FUT8: variants seen among roughly 807,000 people sequenced by gnomAD.
The protein encoded by FUT8 is fucosyltransferase 8.
Under a neutral mutation model 71.3 loss-of-function variants are expected in FUT8, and 29 were observed. That is an observed-to-expected ratio of 0.41 (90% CI 0.30 to 0.55). The LOEUF (loss-of-function observed/expected upper bound fraction) is 0.55, where lower values mean the gene tolerates loss of function less well. Ranked by LOEUF, FUT8 falls within the 20% of genes least tolerant of loss-of-function variation. The pLI, the probability that FUT8 is intolerant of heterozygous loss-of-function variation, is 0.34. For missense variants in FUT8, 544 were observed against 702.1 expected (o/e 0.77, Z 2.55); for synonymous variants, 254 against 239.3 (o/e 1.06, Z -0.57).
At chr14:65,395,639 G>A in the FUT8 span, among the ~76,000 whole-genome samples, 1 of 152,228 alleles carries the variant, frequency 6.6e-6, no homozygotes, top group Non-Finnish European at 1.5e-5. Flanking sequence ...CACAGCAAGG[G>A]GTCCCTGGGT....
At chr14:65,447,585 ATACATTTTT>A (rs1228031939) in intron 1 of FUT8, among the ~76,000 whole-genome samples, 1 of 151,992 alleles carries the variant, frequency 6.6e-6, no homozygotes, top group Admixed American at 6.5e-5. Context: ...TTTCAAATAC[ATACATTTTT>A]TTCAAATGGT....
intron 2 of FUT8, among the ~76,000 whole-genome samples, chr14:65,543,102 C>T (rs1375821266): frequency 1.3e-5 from 2 of 152,082 alleles, no homozygotes; most frequent in Non-Finnish European, 2.9e-5. Context: ...ATTTTTTTTG[C>T]AATCCATTTA....
chr14:65,670,246 A>G (rs1293290231), intron 7 of FUT8, among the ~76,000 whole-genome samples: 1 of 152,150 alleles, frequency 6.6e-6, no homozygotes, highest in Non-Finnish European at 1.5e-5. Context: ...TTAAGATCTA[A>G]AGTTGGGCTA....
At chr14:65,508,702 A>ATGT (rs984425183) in intron 2 of FUT8, among the ~76,000 whole-genome samples, 1 of 151,400 alleles carries the variant, frequency 6.6e-6, no homozygotes, top group African/African-American at 2.4e-5. Flanking sequence ...GAGTTTCACC[A>ATGT]TGTTGGCCAG....
chr14:65,556,265 A>G (rs1885581002), intron 2 of FUT8, among the ~76,000 whole-genome samples: 1 of 152,188 alleles, frequency 6.6e-6, no homozygotes, highest in Admixed American at 6.5e-5. Context: ...GTCTTTAAAA[A>G]GCCTGCATTC....
Position 65,483,622 on chromosome 14 carries a change from A to G in FUT8, c.-228+27904A>G, listed in dbSNP as rs1367220860. Among the ~76,000 whole-genome samples the G allele has an allele frequency of 6.6e-6, 1 of 152,028 alleles. No individual in the cohort carries two copies. The highest frequency in any genetic ancestry group is 1.5e-5 in the Non-Finnish European group (1 of 67,994). Reference sequence around the variant, plus strand: ...GTTTAATTTCTTTCAGCAGTATTTTATTGTTTTCAATGTACTGATCTTACC... The same window carrying G: ...GTTTAATTTCTTTCAGCAGTATTTTGTTGTTTTCAATGTACTGATCTTACC... On this transcript the variant is annotated intron_variant, in intron 2 of 10. Transcript: ENST00000673929. This position sits in a 1 kb window ranked among gnomAD's most constrained non-coding sequence, Gnocchi z 4.4.
intron 5 of FUT8, among the ~76,000 whole-genome samples, chr14:65,619,777 A>T (rs1359713942): frequency 6.6e-6 from 1 of 152,224 alleles, no homozygotes; most frequent in African/African-American, 2.4e-5. Context: ...TAGTGATTGC[A>T]TATGACCATT....
chr14:65,515,344 A>G (rs915174388), intron 2 of FUT8, among the ~76,000 whole-genome samples: 2 of 152,160 alleles, frequency 1.3e-5, no homozygotes, highest in Admixed American at 6.5e-5. Flanking sequence ...ATTCATCAAG[A>G]TAATAGGGAA....
At position 65,548,710 on chromosome 14, in the gene FUT8, A is replaced by G. The variant is rs572690091; in HGVS notation, c.-227-12627A>G. 2.6e-5 allele frequency among the ~76,000 whole-genome samples: 4 copies of G among 152,194 alleles called. No homozygotes were observed. In the South Asian group the frequency reaches 8.3e-4, roughly 32 times the overall value. On this transcript the variant is annotated intron_variant, in intron 2 of 10. Transcript: ENST00000673929. Reference sequence around the variant, plus strand: ...ACCAAAACCACAGTCTATAAAAGAAAAGAAGTCAGTATATTGTATTATATT... The same window carrying G: ...ACCAAAACCACAGTCTATAAAAGAAGAGAAGTCAGTATATTGTATTATATT...
At chr14:65,434,200 A>G (rs1164889556) in intron 1 of FUT8, among the ~76,000 whole-genome samples, 1 of 152,206 alleles carries the variant, frequency 6.6e-6, no homozygotes, top group Non-Finnish European at 1.5e-5. Context: ...TGTAAATAGG[A>G]AGAATAGAGA....
At chr14:65,615,270 G>A (rs1889222064) in intron 3 of FUT8, among the ~76,000 whole-genome samples, 1 of 151,934 alleles carries the variant, frequency 6.6e-6, no homozygotes, top group Non-Finnish European at 1.5e-5. Context: ...CATGTGCCCA[G>A]CTAATGTTTT....
intron 2 of FUT8, among the ~76,000 whole-genome samples, chr14:65,504,922 A>G (rs574694683): frequency 6.6e-6 from 1 of 152,360 alleles, no homozygotes; most frequent in South Asian, 2.1e-4. Context: ...GGGCTGGGCA[A>G]CAAGAGTGAA....
intron 1 of FUT8, among the ~76,000 whole-genome samples, chr14:65,417,572 C>T (rs1171639589): frequency 1.3e-5 from 2 of 152,100 alleles, no homozygotes; most frequent in African/African-American, 4.8e-5. Context: ...TTACTGAAAG[C>T]AGAGTTATAG....
chr14:65,593,641 T>C (rs982321666), intron 3 of FUT8, among the ~76,000 whole-genome samples: 1 of 152,176 alleles, frequency 6.6e-6, no homozygotes, highest in Non-Finnish European at 1.5e-5. Context: ...AATGGCACTA[T>C]CTCGGCTCAC....
At chr14:65,714,105 A>G (rs1894937242) in intron 7 of FUT8, among the ~76,000 whole-genome samples, 2 of 152,222 alleles carry the variant, frequency 1.3e-5, no homozygotes, top group South Asian at 4.1e-4. Context: ...CAGTTTTCCC[A>G]GCACCATTTA....
chr14:65,611,299 A>ACC (rs1566851583), intron 3 of FUT8, among the ~76,000 whole-genome samples: 2 of 49,642 alleles, frequency 4.0e-5, no homozygotes, highest in Admixed American at 2.1e-4. Flanking sequence ...ACACACACAC[A>ACC]CACCCCCCAA....
the FUT8 span, among the ~76,000 whole-genome samples, chr14:65,388,157 C>T: frequency 6.6e-6 from 1 of 152,146 alleles, no homozygotes; most frequent in Non-Finnish European, 1.5e-5. Flanking sequence ...TATGGAACTC[C>T]CATTTTGCCA....
At chr14:65,558,325 CAA>C (rs67556145) in intron 2 of FUT8, among the ~76,000 whole-genome samples, 243 of 118,148 alleles carry the variant, frequency 2.1e-3, no homozygotes, top group Admixed American at 2.0e-3. Flanking sequence ...GAGCGAGACT[CAA>C]AAAAAAAAAA....
chr14:65,733,254 G>C lies in FUT8; in HGVS notation c.1283G>C (p.Ser428Thr), dbSNP rs1254083535. The stretch of plus-strand genomic sequence containing the variant: ...AGGTACCCCAATTATGAATTTATTA[G>C]TGATAACTCTATTTCCTGGTCAGCT... ...KTKYPNYEFI[S>T]DNSISWSAGL... Residue 428 changes from serine (S) to threonine (T), a missense_variant, in exon 10 of 11, where the codon AGT (serine) becomes ACT (threonine). By Grantham distance (58) the Ser-to-Thr change is moderately conservative. Transcript: ENST00000673929. The C allele has an allele frequency of 1.3e-6, 2 of 1,598,874 alleles. No homozygotes were observed. The highest frequency in any genetic ancestry group is 1.7e-6 in the Non-Finnish European group (2 of 1,170,268).
Sources: gnomAD v4.1 joint callset for allele counts (sites outside exome capture counted in the v4.1 genomes callset) on GRCh38, gnomAD v4.1.1 for gene constraint, Gnocchi (gnomAD v3.1) non-coding constraint, MANE v1.5 for transcripts, NCBI Gene and HGNC (gene_info 2026-07-23, HGNC 2026-07-21) for gene names.